Variants in ATOH8 observed in about 807,000 individuals in gnomAD.
The protein encoded by ATOH8 is transcription factor ATOH8.
A neutral mutation model predicts 21.2 loss-of-function variants in ATOH8; 9 were observed. That is an observed-to-expected ratio of 0.42 (90% CI 0.26 to 0.74). The LOEUF is 0.74. Ranked by LOEUF, ATOH8 falls within the 30% of genes least tolerant of loss-of-function variation. The pLI, the probability that ATOH8 is intolerant of heterozygous loss-of-function variation, is 0.24. For missense variants in ATOH8, 524 were observed against 470.9 expected (o/e 1.11, Z -1.04); for synonymous variants, 253 against 224.0 (o/e 1.13, Z -1.16).
chr2:85,774,586 C>A, intron 2 of ATOH8: 1 of 985,670 alleles, frequency 1.0e-6, no homozygotes, highest in Non-Finnish European at 1.2e-6. Flanking sequence ...TCTTAGCTGC[C>A]CTGGCTGTCA....
chr2:85,774,929 A>AGG, intron 2 of ATOH8: 1 of 961,602 alleles, frequency 1.0e-6, no homozygotes, highest in Non-Finnish European at 1.2e-6. Context: ...TCCTCCTGAA[A>AGG]GCCCTCCCTG....
chr2:85,774,664 T>G (rs1680277297), intron 2 of ATOH8: 1 of 985,278 alleles, frequency 1.0e-6, no homozygotes, highest in Non-Finnish European at 1.2e-6. Context: ...CATCCCCTAC[T>G]TAGCTCCCCT....
At chr2:85,786,095 A>G (rs1182396845) in intron 2 of ATOH8, among the ~76,000 whole-genome samples, 2 of 152,146 alleles carry the variant, frequency 1.3e-5, no homozygotes, top group African/African-American at 2.4e-5. Flanking sequence ...TGAGGATTGC[A>G]CAGATCAGGG....
In ATOH8 at chr2:85,791,067, T is replaced by C. The variant is rs1033260409; in HGVS notation, c.*4177T>C. On this transcript the variant is annotated 3_prime_UTR_variant, in exon 3 of 3. Transcript: ENST00000306279. Reference sequence around the variant, plus strand: ...GACAGCGGGGCACAGGGTCCCTGCTTTGTGAGGAGCAGCTGGCTTCTCCCT... The same window carrying C: ...GACAGCGGGGCACAGGGTCCCTGCTCTGTGAGGAGCAGCTGGCTTCTCCCT... 1.3e-5 allele frequency among the ~76,000 whole-genome samples: 2 copies of C among 152,172 alleles called. No homozygotes were observed. The highest frequency in any genetic ancestry group is 1.3e-4 in the Admixed American group (2 of 15,280).
rs1244195628 is a variant in ATOH8 at position 85,754,435 on chromosome 2, G to T, written c.246G>T (p.Pro82=). The T allele has an allele frequency of 5.2e-6, 8 of 1,525,440 alleles. No individual in the cohort carries two copies. Among genetic ancestry groups the T allele is most frequent in the Non-Finnish European group, 7.0e-6 (8 of 1,142,736 alleles). 94.5% of individuals were successfully genotyped at this position (1,525,440 alleles called of 1,614,324 possible). A position where few individuals can be genotyped will look rare whatever the true frequency, so the allele number is the denominator to read the frequency against. Residue 82 remains proline (P), a synonymous_variant, in exon 1 of 3, where the codon CCG becomes CCT. Transcript: ENST00000306279. ...TGCCGGTGCCAGTCCCAGTGGCGCCGGCCGTTCCCCCAAGAGGGGGCACGG... is the reference window on the plus strand; with the variant it reads ...TGCCGGTGCCAGTCCCAGTGGCGCCTGCCGTTCCCCCAAGAGGGGGCACGG... ...VPVPVPVPVA[P]AVPPRGGTDT...
chr2:85,784,541 CA>C (rs58819874), intron 2 of ATOH8, among the ~76,000 whole-genome samples: 299 of 144,118 alleles, frequency 2.1e-3, no homozygotes, highest in African/African-American at 5.9e-3. Context: ...GACCCTGTTT[CA>C]AAAAAAAAAA....
intron 2 of ATOH8, among the ~76,000 whole-genome samples, chr2:85,764,730 A>G (rs929816648): frequency 6.6e-6 from 1 of 152,186 alleles, no homozygotes; most frequent in Admixed American, 6.5e-5. Context: ...GATGACAAAC[A>G]TATGGTCCTG....
Position 85,754,044 on chromosome 2 carries a change from G to A in ATOH8, c.-146G>A, listed in dbSNP as rs973668169. The A allele has an allele frequency of 4.2e-5, 44 of 1,050,756 alleles. No homozygotes were observed. The highest frequency in any genetic ancestry group is 5.5e-5 in the Non-Finnish European group (43 of 783,348). 65.1% of individuals were successfully genotyped at this position (1,050,756 alleles called of 1,614,324 possible). On this transcript the variant is annotated 5_prime_UTR_variant, in exon 1 of 3. Transcript: ENST00000306279. ...GACAGCCCGGCGGCTTCCCGAAGCC[G>A]GCGGCGCAGCTGCCCGGGGCGAGGG...
chr2:85,774,210 C>G, intron 2 of ATOH8: 1 of 985,502 alleles, frequency 1.0e-6, no homozygotes, highest in Non-Finnish European at 1.2e-6. Flanking sequence ...ACCACTGTCC[C>G]CAGCCCCTGG....
chr2:85,781,014 A>G, intron 2 of ATOH8: 2 of 988,060 alleles, frequency 2.0e-6, no homozygotes, highest in Non-Finnish European at 1.2e-6. Context: ...GCCTGTGCCC[A>G]GAATAACCTC....
At chr2:85,783,425 G>A (rs991577169) in intron 2 of ATOH8, among the ~76,000 whole-genome samples, 1 of 152,064 alleles carries the variant, frequency 6.6e-6, no homozygotes, top group African/African-American at 2.4e-5. Flanking sequence ...AAAATTAGCC[G>A]GGTGTGGTGG....
intron 2 of ATOH8, among the ~76,000 whole-genome samples, chr2:85,779,207 G>A (rs1680417502): frequency 6.6e-6 from 1 of 152,270 alleles, no homozygotes; most frequent in Admixed American, 6.5e-5. Context: ...GGACAGCATC[G>A]CAGGATGGAA....
Position 85,754,962 on chromosome 2 carries a change from C to G in ATOH8, c.768+5C>G, listed in dbSNP as rs553861276. 2.5e-6 allele frequency: 4 copies of G among 1,581,874 alleles called. No individual in the cohort carries two copies. In the South Asian group the frequency reaches 3.4e-5, roughly 13 times the overall value. ...TTCGAGGCGCTCAGGAAGCAGGTAC[C>G]CGCTCGCCGCCGCACGCCCTCACTG... On this transcript the variant is annotated splice_donor_5th_base_variant and intron_variant, in intron 1 of 2. Transcript: ENST00000306279.
chr2:85,770,853 C>T (rs998242752), intron 2 of ATOH8, among the ~76,000 whole-genome samples: 1 of 152,196 alleles, frequency 6.6e-6, no homozygotes, highest in African/African-American at 2.4e-5. Flanking sequence ...CAGACCCCAC[C>T]CTTCTCCCCA....
intron 1 of ATOH8, among the ~76,000 whole-genome samples, chr2:85,757,607 C>T (rs1679746948): frequency 1.3e-5 from 2 of 152,146 alleles, no homozygotes; most frequent in Non-Finnish European, 2.9e-5. Context: ...GGAGGCCAGG[C>T]ATTGAGTTGT....
rs890958560 is a variant in ATOH8, at chr2:85,788,516, G to C, written c.*1626G>C. Among the ~76,000 whole-genome samples the C allele has an allele frequency of 6.6e-6, 1 of 152,148 alleles. No homozygotes were observed. The highest frequency in any genetic ancestry group is 1.5e-5 in the Non-Finnish European group (1 of 68,028). On this transcript the variant is annotated 3_prime_UTR_variant, in exon 3 of 3. Coordinates refer to ENST00000306279, the MANE Select transcript of ATOH8 (RefSeq NM_032827.7). ...GTCCCAGCCCAAAGTCTCTTGTGTG[G>C]CCTTGTCACATTGCTTCACCTCAGC...
Position 85,754,531 on chromosome 2 carries a change from A to G in ATOH8, c.342A>G (p.Leu114=), listed in dbSNP as rs1192815473. The change falls in exon 1 of 3, where the codon CTA becomes CTG. Residue 114 remains leucine, a synonymous_variant. Coordinates refer to ENST00000306279, the MANE Select transcript of ATOH8 (RefSeq NM_032827.7). ...ACGCGCGGAAACGCTGCTTCGCCCT[A>G]GGCGCAGTGGGGCCAGGACTCCCCA... The part of the protein sequence containing the change: ...VSDARKRCFA[L]GAVGPGLPTP... The G allele has an allele frequency of 3.5e-6, 5 of 1,430,452 alleles. No individual in the cohort carries two copies. The highest frequency in any genetic ancestry group is 3.1e-5 in the Admixed American group (1 of 32,208). The allele number at this position is 1,430,452 out of a possible 1,614,324, so 88.6% of individuals were successfully genotyped here. A position where few individuals can be genotyped will look rare whatever the true frequency, so the allele number is the denominator to read the frequency against.
chr2:85,768,976 C>T (rs1015857421), intron 2 of ATOH8, among the ~76,000 whole-genome samples: 3 of 152,146 alleles, frequency 2.0e-5, no homozygotes, highest in African/African-American at 4.8e-5. Flanking sequence ...AGATAATGCA[C>T]GTTAAGCACC....
chr2:85,756,180 G>A (rs1418493545), intron 1 of ATOH8, among the ~76,000 whole-genome samples: 158 of 7,364 alleles, frequency 0.021, no homozygotes, highest in African/African-American at 0.052. Context: ...CAGTGAGGTG[G>A]GGTGGGGGTG....
Sources: allele counts gnomAD v4.1 joint callset (sites outside exome capture counted in the v4.1 genomes callset), GRCh38; gene constraint gnomAD v4.1.1; transcripts MANE v1.5; gene names NCBI Gene and HGNC (gene_info 2026-07-23, HGNC 2026-07-21).